Variants in ADGRV1 observed in about 807,000 individuals in gnomAD.
ADGRV1 encodes the protein adhesion G protein-coupled receptor V1, also known as G-protein coupled receptor 98.
ADGRV1 carries 359 observed loss-of-function variants against 596.2 expected under a neutral mutation model. The ratio of observed to expected loss-of-function variants is 0.60; its 90% CI spans 0.55 to 0.66. The LOEUF is 0.66. Among genes scored for constraint, ADGRV1 ranks in the 30% least tolerant of loss-of-function variants. The pLI is 0.00. For missense variants in ADGRV1, 7,274 were observed against 7,575.6 expected (o/e 0.96, Z 1.48); for synonymous variants, 2,681 against 2,679.2 (o/e 1.00, Z -0.02).
chr5:90,650,471 G>T (rs1015456684), intron 17 of ADGRV1, among the ~76,000 whole-genome samples: 2 of 152,092 alleles, frequency 1.3e-5, no homozygotes, highest in African/African-American at 4.8e-5. Flanking sequence ...GAATTATCAA[G>T]TGAAGTTGAG....
intron 1 of ADGRV1, among the ~76,000 whole-genome samples, chr5:90,612,181 G>C (rs886102896): frequency 6.6e-6 from 1 of 152,032 alleles, no homozygotes; most frequent in Non-Finnish European, 1.5e-5. Context: ...TAAGAATGCA[G>C]CATTTGAGCT....
chr5:91,147,570 C>A (rs1292514627), intron 87 of ADGRV1, among the ~76,000 whole-genome samples: 1 of 152,170 alleles, frequency 6.6e-6, no homozygotes. Context: ...CATTCTCTCT[C>A]CTGCCTCCCT....
intron 54 of ADGRV1, among the ~76,000 whole-genome samples, chr5:90,754,498 A>G (rs1755616048): frequency 6.6e-6 from 1 of 152,198 alleles, no homozygotes; most frequent in East Asian, 1.9e-4. Flanking sequence ...CAATGAAATA[A>G]AAGTTAGGTG....
chr5:91,118,070 A>G (rs568152680), intron 87 of ADGRV1, among the ~76,000 whole-genome samples: 2 of 152,308 alleles, frequency 1.3e-5, no homozygotes, highest in Admixed American at 6.5e-5. Context: ...AGGAATATCT[A>G]GAAAAGTCAG....
At chr5:91,014,136 C>CCCCCCACA in intron 85 of ADGRV1, among the ~76,000 whole-genome samples, 1 of 35,698 alleles carries the variant, frequency 2.8e-5, no homozygotes, top group East Asian at 6.8e-4. Context: ...TTCACAATTG[C>CCCCCCACA]CACACACACA....
chr5:90,882,280 G>A (rs538621733), intron 83 of ADGRV1, among the ~76,000 whole-genome samples: 30 of 152,108 alleles, frequency 2.0e-4, no homozygotes, highest in African/African-American at 7.2e-4. Context: ...ACTTCTTTTT[G>A]TATCTTTCTC....
At position 90,829,152 on chromosome 5, in the gene ADGRV1, C is replaced by G; in HGVS notation, c.16577C>G (p.Thr5526Arg). 1 of 1,596,692 alleles carries G rather than the reference C, an allele frequency of 6.3e-7. No individual in the cohort carries two copies. The highest frequency in any genetic ancestry group is 8.6e-7 in the Non-Finnish European group (1 of 1,168,818). ...ISLQVARDSG[T>R]GLMMSVNFST... Reference sequence around the variant, plus strand: ...CTGCAGGTGGCCAGAGATTCTGGGACAGGACTAATGATGTCTGTTAACTTT... The same window carrying G: ...CTGCAGGTGGCCAGAGATTCTGGGAGAGGACTAATGATGTCTGTTAACTTT... The change falls in exon 77 of 90, where the codon ACA becomes AGA. Residue 5526 changes from threonine (T) to arginine (R), a missense_variant. This residue lies in a region of ADGRV1 where 1,874 missense variants were observed against 1,970.2 expected (regional missense o/e 0.95). Coordinates refer to ENST00000405460, the MANE Select transcript of ADGRV1 (RefSeq NM_032119.4).
rs371706885 is a variant in ADGRV1 at position 90,802,901 on chromosome 5, G to A, written c.14661+19G>A. 2 of 1,588,588 alleles carry A rather than the reference G, an allele frequency of 1.3e-6. No individual in the cohort carries two copies. Among genetic ancestry groups the A allele is most frequent in the Non-Finnish European group, 1.7e-6 (2 of 1,166,498 alleles). ...TTCTCAGGTAATTGGCCCTGTGTGT[G>A]GTTCTCTCAGCAGAACACTAGAGGG... On this transcript the variant is annotated intron_variant, in intron 71 of 89. Coordinates refer to ENST00000405460, the MANE Select transcript of ADGRV1 (RefSeq NM_032119.4).
intron 50 of ADGRV1, among the ~76,000 whole-genome samples, chr5:90,740,006 T>C (rs1753759088): frequency 6.6e-6 from 1 of 152,112 alleles, no homozygotes; most frequent in South Asian, 2.1e-4. Context: ...TTGGTTGGAT[T>C]GATGCTCACT....
chr5:90,987,349 A>C (rs1019844897), intron 85 of ADGRV1, among the ~76,000 whole-genome samples: 1 of 151,738 alleles, frequency 6.6e-6, no homozygotes, highest in Non-Finnish European at 1.5e-5. Context: ...GCATGCCTGT[A>C]GTCTCAGCTA....
chr5:90,679,519 TG>T, intron 25 of ADGRV1, 29 bp from the exon 26 acceptor site: 1 of 1,534,500 alleles, frequency 6.5e-7, no homozygotes, highest in Non-Finnish European at 9.0e-7. Context: ...GTGTGTTGTG[TG>T]GGTTGTGTCT....
intron 83 of ADGRV1, among the ~76,000 whole-genome samples, chr5:90,900,723 G>T (rs983205997): frequency 6.6e-6 from 1 of 152,030 alleles, no homozygotes; most frequent in Admixed American, 6.6e-5. Context: ...TACATTACTT[G>T]CCTGGGCTTT....
At chr5:90,911,811 C>CT (rs1371597828) in intron 83 of ADGRV1, among the ~76,000 whole-genome samples, 3 of 151,794 alleles carry the variant, frequency 2.0e-5, no homozygotes, top group South Asian at 2.1e-4. Flanking sequence ...ATAGACTTTT[C>CT]TTTTTTTTGT....
At chr5:91,161,312 T>G (rs754106106) in intron 89 of ADGRV1, among the ~76,000 whole-genome samples, 2 of 152,180 alleles carry the variant, frequency 1.3e-5, no homozygotes, top group Non-Finnish European at 2.9e-5. Context: ...GGCCTGGAAG[T>G]AGACACAAAT....
chr5:90,666,546 G>A (rs1418086059), intron 21 of ADGRV1, among the ~76,000 whole-genome samples: 5 of 103,090 alleles, frequency 4.9e-5, no homozygotes, highest in Non-Finnish European at 7.6e-5. Flanking sequence ...ACAGCACACT[G>A]ATGGGTCTTG....
At chr5:90,866,948 G>T (rs1005795236) in intron 83 of ADGRV1, among the ~76,000 whole-genome samples, 6 of 152,092 alleles carry the variant, frequency 3.9e-5, no homozygotes, top group African/African-American at 1.4e-4. Context: ...ACAAGAAATT[G>T]TGGGGCTCTT....
chr5:90,592,556 G>A (rs906647426), intron 1 of ADGRV1, among the ~76,000 whole-genome samples: 7 of 152,278 alleles, frequency 4.6e-5, no homozygotes, highest in Non-Finnish European at 8.8e-5. Context: ...TGGTGTTTTA[G>A]ACATGAAGTC....
intron 83 of ADGRV1, among the ~76,000 whole-genome samples, chr5:90,934,955 A>G (rs4415111): frequency 0.43 from 65,962 of 151,970 alleles, 15,633 homozygotes; most frequent in Non-Finnish European, 0.53. Context: ...CACCTTCATA[A>G]CTTCATCCAA....
In ADGRV1 at chr5:90,928,242, C is replaced by A. The variant is rs567801593; in HGVS notation, c.17857-37173C>A. ...TGCAGAGTGTTTTCCACCTTGGTTC[C>A]ATTCTCCCCATCACTTTCAGGTACA... On this transcript the variant is annotated intron_variant, in intron 83 of 89. Coordinates refer to ENST00000405460, the MANE Select transcript of ADGRV1 (RefSeq NM_032119.4). Among the ~76,000 whole-genome samples the A allele has an allele frequency of 3.9e-5, 6 of 152,206 alleles. No homozygotes were observed. The East Asian group carries it at 9.7e-4, about 25-fold the overall frequency.
Sources: allele counts gnomAD v4.1 joint callset (sites outside exome capture counted in the v4.1 genomes callset), GRCh38; gene constraint gnomAD v4.1.1; regional missense constraint gnomAD v4.1.1; transcripts MANE v1.5; gene names NCBI Gene and HGNC (gene_info 2026-07-23, HGNC 2026-07-21).